Variants in RHOT1 observed in about 807,000 individuals in gnomAD.
RHOT1 encodes the protein mitochondrial Rho GTPase 1.
In RHOT1, 27 loss-of-function variants were observed where a neutral mutation model predicts 95.3. The observed-to-expected ratio is 0.28, with a 90% CI of 0.21 to 0.39. The LOEUF is 0.39. Ranked by LOEUF, RHOT1 falls within the 10% of genes least tolerant of loss-of-function variation. The pLI is 1.00. For synonymous variants in RHOT1, 227 were observed against 263.5 expected (o/e 0.86, Z 1.34); for missense variants, 578 against 786.7 (o/e 0.73, Z 3.17).
chr17:32,185,413 TCTC>T (rs1352245334), intron 8 of RHOT1, among the ~76,000 whole-genome samples: 1 of 151,938 alleles, frequency 6.6e-6, no homozygotes, highest in Non-Finnish European at 1.5e-5. Flanking sequence ...CCTGGCCTAC[TCTC>T]CTTTTTTTTG....
intron 19 of RHOT1, among the ~76,000 whole-genome samples, chr17:32,215,604 A>C (rs187546317): frequency 6.2e-4 from 95 of 152,284 alleles, no homozygotes; most frequent in African/African-American, 2.3e-3. Flanking sequence ...GTGCTATATA[A>C]CCTGATAATG....
At chr17:32,200,870 A>T in intron 13 of RHOT1, 86 bp from the exon 14 acceptor site, 1 of 902,662 alleles carries the variant, frequency 1.1e-6, no homozygotes, top group South Asian at 1.4e-5. Flanking sequence ...GGTCTGGTGC[A>T]TAAAGTTTTT....
rs368484694 is a variant in RHOT1 at position 32,176,542 on chromosome 17, TTTTATTTATTTATTTATTTA to T, written c.329+357_329+376del. 9.0e-3 allele frequency among the ~76,000 whole-genome samples: 1,266 copies of T among 140,658 alleles called. 21 individuals are homozygous for T. The highest frequency in any genetic ancestry group is 0.034 in the African/African-American group (1,193 of 35,104). The allele number at this position is 140,658 out of a possible 152,430, so 92.3% of individuals were successfully genotyped here. ...CAAACTGCTGCTTGAAAAGTCTCAG[TTTTATTTATTTATTTATTTA>T]TTTATTTATTTATTTATTTATTTAT... On this transcript the variant is annotated intron_variant, in intron 6 of 19. Transcript: ENST00000545287.
Position 32,142,530 on chromosome 17 carries a change from C to G in RHOT1, c.-163C>G, listed in dbSNP as rs2030491681. ...GCCCGCTGGGCCGGAGGAGGCGGAG[C>G]TGGCGCTGTCCCGGCTCTCTTGCGG... On this transcript the variant is annotated 5_prime_UTR_variant, in exon 1 of 20. Transcript: ENST00000545287. 3.9e-6 allele frequency: 2 copies of G among 513,992 alleles called. No homozygotes were observed. Among genetic ancestry groups the G allele is most frequent in the Non-Finnish European group, 3.2e-6 (1 of 317,430 alleles). 31.8% of individuals were successfully genotyped at this position (513,992 alleles called of 1,614,324 possible).
chr17:32,222,759 G>A (rs1199362390), intron 19 of RHOT1: 3 of 670,382 alleles, frequency 4.5e-6, no homozygotes, highest in Non-Finnish European at 5.5e-6. Context: ...TGTATAAAAG[G>A]TTAAGAGCCC....
At chr17:32,199,141 G>A in intron 12 of RHOT1, 110 bp downstream of exon 12, 1 of 881,560 alleles carries the variant, frequency 1.1e-6, no homozygotes, top group South Asian at 1.7e-5. Context: ...GCCAAAAACT[G>A]CTTAACCTCT....
chr17:32,215,605 C>A (rs983193352), intron 19 of RHOT1, among the ~76,000 whole-genome samples: 1 of 152,066 alleles, frequency 6.6e-6, no homozygotes, highest in Non-Finnish European at 1.5e-5. Flanking sequence ...TGCTATATAA[C>A]CTGATAATGA....
chr17:32,145,827 C>A (rs940557014), intron 1 of RHOT1, among the ~76,000 whole-genome samples: 8 of 152,132 alleles, frequency 5.3e-5, no homozygotes, highest in Non-Finnish European at 1.2e-4. Flanking sequence ...CCAGCCTGGG[C>A]AACATGACGA....
At chr17:32,214,164 G>T (rs1276704396) in intron 19 of RHOT1, among the ~76,000 whole-genome samples, 1 of 152,154 alleles carries the variant, frequency 6.6e-6, no homozygotes, top group East Asian at 1.9e-4. Flanking sequence ...AAGTAAGATA[G>T]GTAGGTGGGG....
intron 16 of RHOT1, 93 bp downstream of exon 16, chr17:32,204,066 T>A: frequency 2.5e-6 from 2 of 799,712 alleles, no homozygotes; most frequent in South Asian, 3.2e-5. Context: ...TGAATGACTC[T>A]CTGTAGAACT....
chr17:32,185,666 C>T (rs1211477009), intron 8 of RHOT1, among the ~76,000 whole-genome samples: 1 of 151,760 alleles, frequency 6.6e-6, no homozygotes, highest in Admixed American at 6.6e-5. Context: ...CCTTGGCCTC[C>T]CAAAGTGTTG....
At chr17:32,147,558 T>C (rs1363946653) in intron 1 of RHOT1, among the ~76,000 whole-genome samples, 1 of 152,034 alleles carries the variant, frequency 6.6e-6, no homozygotes, top group Non-Finnish European at 1.5e-5. Context: ...GCGCGGTGGC[T>C]CACACCTGTA....
intron 1 of RHOT1, among the ~76,000 whole-genome samples, chr17:32,152,309 A>G (rs1390975292): frequency 2.0e-5 from 3 of 152,268 alleles, no homozygotes; most frequent in African/African-American, 7.2e-5. Flanking sequence ...ACAGGCAGCC[A>G]GAACTGACCT....
chr17:32,149,629 A>ATGTGTGTG (rs1204046813), intron 1 of RHOT1, among the ~76,000 whole-genome samples: 26 of 87,462 alleles, frequency 3.0e-4, no homozygotes, highest in Admixed American at 1.2e-3. Context: ...ATATATATAT[A>ATGTGTGTG]TATATATGTG....
chr17:32,207,097 GTGT>G, intron 17 of RHOT1, 68 bp downstream of exon 17: 1 of 1,460,936 alleles, frequency 6.8e-7, no homozygotes, highest in South Asian at 1.3e-5. Flanking sequence ...TTGCAGTGTG[GTGT>G]TTCCTAACCA....
Position 32,208,316 on chromosome 17 carries a change from A to G in RHOT1, c.1739+7A>G, listed in dbSNP as rs761578392. ...CAACAATGGCCATGTATCCGTAAGT[A>G]CTTGCTGTCTTCATTTTCATGTTGC... On this transcript the variant is annotated splice_region_variant and intron_variant, in intron 18 of 19. Coordinates refer to ENST00000545287, the MANE Select transcript of RHOT1 (RefSeq NM_001033566.3). 5.0e-6 allele frequency: 8 copies of G among 1,611,118 alleles called. No individual in the cohort carries two copies. The highest frequency in any genetic ancestry group is 3.3e-4 in the Middle Eastern group (2 of 6,080).
intron 1 of RHOT1, among the ~76,000 whole-genome samples, chr17:32,161,933 G>T (rs2033599764): frequency 6.6e-6 from 1 of 152,184 alleles, no homozygotes; most frequent in Non-Finnish European, 1.5e-5. Flanking sequence ...GGAAAGGTCT[G>T]GAAGAGTCCC....
At chr17:32,217,939 C>T (rs1438408059) in intron 19 of RHOT1, among the ~76,000 whole-genome samples, 1 of 151,572 alleles carries the variant, frequency 6.6e-6, no homozygotes, top group Non-Finnish European at 1.5e-5. Flanking sequence ...CTCAGCTCAT[C>T]GCAACCCCCA....
At chr17:32,221,974 A>G (rs1349725993) in intron 19 of RHOT1, among the ~76,000 whole-genome samples, 1 of 152,222 alleles carries the variant, frequency 6.6e-6, no homozygotes, top group African/African-American at 2.4e-5. Context: ...ATATCTGTGA[A>G]ACAGATATCT....
Sources: allele counts gnomAD v4.1 joint callset (sites outside exome capture counted in the v4.1 genomes callset), GRCh38; gene constraint gnomAD v4.1.1; transcripts MANE v1.5; gene names NCBI Gene and HGNC (gene_info 2026-07-23, HGNC 2026-07-21).